Variants in MED27 observed in about 807,000 individuals in gnomAD.
MED27 encodes mediator complex subunit 27.
A neutral mutation model predicts 38.2 loss-of-function variants in MED27; 30 were observed. The observed-to-expected ratio is 0.79, with a 90% CI of 0.59 to 1.07. MED27 has a LOEUF of 1.07. Among genes scored for constraint, MED27 ranks in the 50% least tolerant of loss-of-function variants. MED27 has a pLI of 0.00. For synonymous variants in MED27, 122 were observed against 153.5 expected (o/e 0.79, Z 1.52); for missense variants, 289 against 397.5 (o/e 0.73, Z 2.32).
At chr9:132,020,494 A>G (rs1832694343) in intron 2 of MED27, among the ~76,000 whole-genome samples, 1 of 152,230 alleles carries the variant, frequency 6.6e-6, no homozygotes, top group Non-Finnish European at 1.5e-5. Context: ...TGAGAGTCTC[A>G]CATAGTCATG....
intron 4 of MED27, among the ~76,000 whole-genome samples, chr9:131,905,396 T>A (rs1168943361): frequency 6.6e-6 from 1 of 152,184 alleles, no homozygotes. Context: ...TCACACTGTG[T>A]TCCTGTCTCA....
At chr9:132,040,049 C>A (rs1490895017) in intron 2 of MED27, among the ~76,000 whole-genome samples, 1 of 152,190 alleles carries the variant, frequency 6.6e-6, no homozygotes, top group East Asian at 1.9e-4. Flanking sequence ...TTCACATACA[C>A]TTTACGATAT....
intron 4 of MED27, among the ~76,000 whole-genome samples, chr9:131,937,401 T>A (rs1234976328): frequency 6.6e-6 from 1 of 151,994 alleles, no homozygotes; most frequent in African/African-American, 2.4e-5. Flanking sequence ...CGGGGGTGGA[T>A]GGGTGTTAGT....
chr9:132,030,306 A>C lies in MED27; in HGVS notation c.349-15839T>G, dbSNP rs533821265. Reference sequence around the variant, plus strand: ...TAGTGGAGTCTCTGCTTCTTTGAAAAATTCAGCTTCTAACACTGCCATCAC... The same window carrying C: ...TAGTGGAGTCTCTGCTTCTTTGAAACATTCAGCTTCTAACACTGCCATCAC... On this transcript the variant is annotated intron_variant, in intron 2 of 7. Transcript: ENST00000292035. Among the ~76,000 whole-genome samples, 4 of 152,300 alleles carry C rather than the reference A, an allele frequency of 2.6e-5. No homozygotes were observed. The South Asian group carries it at 6.2e-4, about 24-fold the overall frequency.
At chr9:132,014,719 T>C (rs556783659) in intron 2 of MED27, among the ~76,000 whole-genome samples, 6 of 147,822 alleles carry the variant, frequency 4.1e-5, no homozygotes, top group African/African-American at 9.8e-5. Flanking sequence ...GCAGTCGGAA[T>C]GTCCAACAAC....
intron 2 of MED27, among the ~76,000 whole-genome samples, chr9:132,025,926 T>C (rs962476885): frequency 2.6e-5 from 4 of 152,110 alleles, no homozygotes; most frequent in Admixed American, 1.3e-4. Flanking sequence ...TTGTATCTGA[T>C]GAAAAAAACC....
chr9:131,890,560 A>AT (rs1839211781), intron 5 of MED27, among the ~76,000 whole-genome samples: 1 of 152,030 alleles, frequency 6.6e-6, no homozygotes. Context: ...CCCATTTCTC[A>AT]TTTTTGATTC....
intron 2 of MED27, among the ~76,000 whole-genome samples, chr9:132,026,475 T>A (rs117433308): frequency 1.3e-5 from 2 of 152,322 alleles, no homozygotes; most frequent in Non-Finnish European, 2.9e-5. Flanking sequence ...TTTTTGTGTA[T>A]CTACCTTTAC....
intron 3 of MED27, among the ~76,000 whole-genome samples, chr9:131,978,287 T>C (rs1225105675): frequency 6.6e-6 from 1 of 152,174 alleles, no homozygotes; most frequent in East Asian, 1.9e-4. Context: ...AAAAATTATA[T>C]ATACATACAT....
At chr9:131,867,143 A>T (rs541557081) in intron 6 of MED27, among the ~76,000 whole-genome samples, 2 of 152,346 alleles carry the variant, frequency 1.3e-5, no homozygotes, top group Non-Finnish European at 2.9e-5. Flanking sequence ...TGCCTGATGC[A>T]GAGGTCCTCA....
chr9:131,891,509 C>T (rs1839228406), intron 5 of MED27, among the ~76,000 whole-genome samples: 1 of 152,188 alleles, frequency 6.6e-6, no homozygotes, highest in South Asian at 2.1e-4. Context: ...ACTCTCTACT[C>T]CCTGTAAGAT....
At chr9:132,008,580 T>C (rs928065175) in intron 3 of MED27, among the ~76,000 whole-genome samples, 1 of 152,230 alleles carries the variant, frequency 6.6e-6, no homozygotes, top group African/African-American at 2.4e-5. Context: ...ATTAATCCCA[T>C]GAATCACTCA....
At chr9:132,035,623 G>A (rs191798433) in intron 2 of MED27, among the ~76,000 whole-genome samples, 4 of 152,190 alleles carry the variant, frequency 2.6e-5, no homozygotes, top group Admixed American at 1.3e-4. Context: ...CAAGGAAACC[G>A]TCTGACAGAG....
intron 3 of MED27, among the ~76,000 whole-genome samples, chr9:131,943,286 A>G (rs943712270): frequency 6.6e-6 from 1 of 152,216 alleles, no homozygotes; most frequent in South Asian, 2.1e-4. Context: ...TTCGAAACAC[A>G]AATCAACCAC....
At chr9:131,925,258 T>C (rs1031474505) in intron 4 of MED27, among the ~76,000 whole-genome samples, 3 of 152,222 alleles carry the variant, frequency 2.0e-5, no homozygotes, top group Non-Finnish European at 4.4e-5. Context: ...TATTTTTTTG[T>C]GGGTACATAA....
chr9:131,976,237 G>A lies in MED27; in HGVS notation c.480-36763C>T, dbSNP rs116858599. Among the ~76,000 whole-genome samples the A allele has an allele frequency of 2.9e-4, 44 of 152,280 alleles. No individual in the cohort carries two copies. In the East Asian group the frequency reaches 8.1e-3, roughly 28 times the overall value. ...AAAAATGGCGGTGAACTAAAGTCAG[G>A]TGAGCCCAAGGTCACCTGGCTAAAT... On this transcript the variant is annotated intron_variant, in intron 3 of 7. Coordinates refer to ENST00000292035, the MANE Select transcript of MED27 (RefSeq NM_004269.4).
chr9:132,077,105 G>A (rs897453245), intron 2 of MED27, among the ~76,000 whole-genome samples: 2 of 152,152 alleles, frequency 1.3e-5, no homozygotes, highest in Non-Finnish European at 2.9e-5. Context: ...CCTGACAAAA[G>A]CTAGGAAGCC....
intron 6 of MED27, among the ~76,000 whole-genome samples, chr9:131,880,094 G>T (rs530480432): frequency 6.6e-6 from 1 of 152,192 alleles, no homozygotes; most frequent in Non-Finnish European, 1.5e-5. Context: ...TGAACACGAC[G>T]AAATAGGCAC....
chr9:132,059,452 T>C (rs1470895255), intron 2 of MED27, among the ~76,000 whole-genome samples: 1 of 152,254 alleles, frequency 6.6e-6, no homozygotes, highest in Non-Finnish European at 1.5e-5. Context: ...CTCTAGTGCC[T>C]AGCTTCTCCT....
Sources: allele counts gnomAD v4.1 joint callset (sites outside exome capture counted in the v4.1 genomes callset), GRCh38; gene constraint gnomAD v4.1.1; transcripts MANE v1.5; gene names NCBI Gene and HGNC (gene_info 2026-07-23, HGNC 2026-07-21).